Variants in HSD17B12 observed in about 807,000 individuals in gnomAD.
HSD17B12 encodes the protein very-long-chain 3-oxoacyl-CoA reductase.
A neutral mutation model predicts 39.3 loss-of-function variants in HSD17B12; 32 were observed. The ratio of observed to expected loss-of-function variants is 0.81; its 90% CI spans 0.61 to 1.09. The LOEUF (loss-of-function observed/expected upper bound fraction) is 1.09. Among genes scored for constraint, HSD17B12 ranks in the 50% least tolerant of loss-of-function variants. The probability of loss-of-function intolerance (pLI) is 0.00; values close to 1 mark genes in which losing one functional copy is unlikely to be tolerated. For synonymous variants in HSD17B12, 150 were observed against 146.7 expected, an observed-to-expected ratio of 1.02 and a Z score of -0.16; for missense variants, 342 against 382.9, an observed-to-expected ratio of 0.89 and a Z score of 0.89.
intron 6 of HSD17B12, among the ~76,000 whole-genome samples, chr11:43,818,223 T>G (rs1429855966): frequency 2.6e-5 from 4 of 152,154 alleles, no homozygotes; most frequent in African/African-American, 9.7e-5. Flanking sequence ...ACTTAAATGT[T>G]GTGATAAGCA....
chr11:43,703,779 T>C (rs1021487263), intron 1 of HSD17B12, among the ~76,000 whole-genome samples: 2 of 152,176 alleles, frequency 1.3e-5, no homozygotes, highest in Admixed American at 1.3e-4. Context: ...TTTATCATTT[T>C]TTATTTGTAT....
chr11:43,658,661 C>G, the HSD17B12 span, among the ~76,000 whole-genome samples: 3 of 152,344 alleles, frequency 2.0e-5, no homozygotes, highest in African/African-American at 7.2e-5. Flanking sequence ...AGGTCCACCC[C>G]AGACCCTGTT....
chr11:43,621,473 G>A, the HSD17B12 span, among the ~76,000 whole-genome samples: 1 of 152,272 alleles, frequency 6.6e-6, no homozygotes, highest in South Asian at 2.1e-4. Flanking sequence ...TCAGCACTTT[G>A]GGAGGCCGAG....
the HSD17B12 span, among the ~76,000 whole-genome samples, chr11:43,620,324 A>G: frequency 6.6e-6 from 1 of 152,224 alleles, no homozygotes; most frequent in African/African-American, 2.4e-5. Flanking sequence ...GCTCAGAAAG[A>G]CTATAAAGTA....
intron 1 of HSD17B12, among the ~76,000 whole-genome samples, chr11:43,736,699 T>A (rs1322534743): frequency 1.3e-5 from 2 of 152,232 alleles, no homozygotes; most frequent in African/African-American, 4.8e-5. Context: ...TGCATCACTT[T>A]CACTGTTTGT....
intron 9 of HSD17B12, among the ~76,000 whole-genome samples, chr11:43,848,177 C>A (rs1334105397): frequency 6.6e-6 from 1 of 152,146 alleles, no homozygotes; most frequent in East Asian, 1.9e-4. Context: ...TATAAAGATT[C>A]TCGCTGGAAA....
At chr11:43,841,530 A>G (rs757956123) in intron 9 of HSD17B12, among the ~76,000 whole-genome samples, 1 of 152,174 alleles carries the variant, frequency 6.6e-6, no homozygotes, top group Non-Finnish European at 1.5e-5. Context: ...TAGCTCTTTG[A>G]TCCATTTTGA....
chr11:43,560,640 A>C, the HSD17B12 span, among the ~76,000 whole-genome samples: 1 of 152,178 alleles, frequency 6.6e-6, no homozygotes, highest in Admixed American at 6.5e-5. Flanking sequence ...TACTGCCAAC[A>C]TTGTGGGACA....
the HSD17B12 span, among the ~76,000 whole-genome samples, chr11:43,605,933 A>G: frequency 6.6e-6 from 1 of 152,222 alleles, no homozygotes; most frequent in Non-Finnish European, 1.5e-5. Context: ...TGCCTTTCAT[A>G]TTGTGAATAC....
At chr11:43,707,294 AG>A (rs1950025564) in intron 1 of HSD17B12, among the ~76,000 whole-genome samples, 1 of 152,222 alleles carries the variant, frequency 6.6e-6, no homozygotes, top group African/African-American at 2.4e-5. Flanking sequence ...CGTACTAAGA[AG>A]AAAAATAAAG....
chr11:43,785,782 A>G (rs1279752084), intron 3 of HSD17B12, among the ~76,000 whole-genome samples: 2 of 152,166 alleles, frequency 1.3e-5, no homozygotes, highest in Non-Finnish European at 2.9e-5. Flanking sequence ...TAAAATATTA[A>G]AGTTCATTGT....
intron 9 of HSD17B12, chr11:43,848,629 T>C (rs533797764): frequency 1.3e-5 from 2 of 152,322 alleles, no homozygotes; most frequent in East Asian, 3.9e-4. Context: ...GATAGTATAA[T>C]AAGGAAGATT....
the HSD17B12 span, among the ~76,000 whole-genome samples, chr11:43,621,804 T>C: frequency 2.0e-5 from 3 of 152,252 alleles, no homozygotes; most frequent in South Asian, 2.1e-4. Flanking sequence ...GCCTGAAAGA[T>C]ATCTTTTTTC....
At chr11:43,595,448 C>T in the HSD17B12 span, among the ~76,000 whole-genome samples, 2 of 152,174 alleles carry the variant, frequency 1.3e-5, no homozygotes, top group Non-Finnish European at 2.9e-5. Flanking sequence ...CACCCTCTCC[C>T]CTGCAGAAGT....
intron 3 of HSD17B12, among the ~76,000 whole-genome samples, chr11:43,795,897 G>A (rs1040011502): frequency 6.6e-6 from 1 of 152,064 alleles, no homozygotes; most frequent in African/African-American, 2.4e-5. Context: ...AGCAGGGAAG[G>A]GCATGAGGAG....
chr11:43,574,642 A>C, the HSD17B12 span, among the ~76,000 whole-genome samples: 1 of 152,158 alleles, frequency 6.6e-6, no homozygotes, highest in Non-Finnish European at 1.5e-5. Flanking sequence ...ACCCTGAGAC[A>C]CACACATCCA....
intron 9 of HSD17B12, among the ~76,000 whole-genome samples, chr11:43,842,903 C>T (rs1951440392): frequency 6.6e-6 from 1 of 152,304 alleles, no homozygotes; most frequent in East Asian, 1.9e-4. Context: ...CGTTAATAAG[C>T]AAGACTGTCT....
intron 3 of HSD17B12, among the ~76,000 whole-genome samples, chr11:43,775,671 A>G (rs1950694810): frequency 6.6e-6 from 1 of 151,806 alleles, no homozygotes; most frequent in South Asian, 2.1e-4. Flanking sequence ...AGTTAGTTAC[A>G]TATGTATACA....
intron 3 of HSD17B12, among the ~76,000 whole-genome samples, chr11:43,763,739 G>A (rs775023781): frequency 6.6e-6 from 1 of 151,564 alleles, no homozygotes; most frequent in Non-Finnish European, 1.5e-5. Context: ...TCAAGTTGTT[G>A]CACATACCAC....
Sources: gnomAD v4.1 joint callset for allele counts (sites outside exome capture counted in the v4.1 genomes callset) on GRCh38, gnomAD v4.1.1 for gene constraint, MANE v1.5 for transcripts, NCBI Gene and HGNC (gene_info 2026-07-23, HGNC 2026-07-21) for gene names.